The following ST3GAL6 variants were observed in gnomAD, a reference collection of about 807,000 sequenced individuals.
ST3GAL6 encodes type 2 lactosamine alpha-2,3-sialyltransferase.
Under a neutral mutation model 40.5 loss-of-function variants are expected in ST3GAL6, and 31 were observed. The ratio of observed to expected loss-of-function variants is 0.77; its 90% CI spans 0.58 to 1.03. ST3GAL6 has a LOEUF of 1.03. Among genes scored for constraint, ST3GAL6 ranks in the 50% least tolerant of loss-of-function variants. The probability of loss-of-function intolerance (pLI) is 0.00; values close to 1 mark genes in which losing one functional copy is unlikely to be tolerated. For synonymous variants in ST3GAL6, 129 were observed against 136.9 expected (o/e 0.94, Z 0.40); for missense variants, 357 against 393.2 (o/e 0.91, Z 0.78).
intron 9 of ST3GAL6, among the ~76,000 whole-genome samples, chr3:98,792,338 CTTAA>C (rs1015684755): frequency 6.6e-6 from 1 of 152,134 alleles, no homozygotes. Flanking sequence ...CATTGCTGTG[CTTAA>C]TTATTCTCAT....
chr3:98,732,585 GA>G (rs1277394637), intron 1 of ST3GAL6: 1 of 375,804 alleles, frequency 2.7e-6, no homozygotes, highest in Non-Finnish European at 4.8e-6. Flanking sequence ...CCCTCCGGGA[GA>G]CCCGCAGCCT....
chr3:98,768,420 T>C lies in ST3GAL6; in HGVS notation c.-11-10T>C. 1 of 1,609,320 alleles carries C rather than the reference T, an allele frequency of 6.2e-7. No individual in the cohort carries two copies. The highest frequency in any genetic ancestry group is 8.5e-7 in the Non-Finnish European group (1 of 1,175,674). ...GGCCTTTGCTTTGGACTTCATTCCT[T>C]GTGTTTCAGGTGAGCCAGCCATGAG... On this transcript the variant is annotated splice_polypyrimidine_tract_variant and intron_variant, in intron 1 of 9. Coordinates refer to ENST00000483910, the MANE Select transcript of ST3GAL6 (RefSeq NM_001323368.2).
At position 98,749,862 on chromosome 3, in the gene ST3GAL6, A is replaced by G. The variant is rs3772090; in HGVS notation, c.-12+17330A>G. Among the ~76,000 whole-genome samples, 142 of 152,360 alleles carry G rather than the reference A, an allele frequency of 9.3e-4. 3 individuals are homozygous for G. In the East Asian group the frequency reaches 0.026, roughly 28 times the overall value. On this transcript the variant is annotated intron_variant, in intron 1 of 9. Transcript: ENST00000265261. Reference sequence around the variant, plus strand: ...TTGAACTGATTGAAAGCCCAAATCTATTGGATCAGTTGAGGAGCAGAGCAA... The same window carrying G: ...TTGAACTGATTGAAAGCCCAAATCTGTTGGATCAGTTGAGGAGCAGAGCAA...
At chr3:98,754,004 AAAC>A (rs1357520475) in intron 1 of ST3GAL6, among the ~76,000 whole-genome samples, 1 of 152,326 alleles carries the variant, frequency 6.6e-6, no homozygotes, top group Admixed American at 6.5e-5. Context: ...ATGCCTGCTA[AAAC>A]AACGTCTATT....
rs35649214 is a variant in ST3GAL6, at chr3:98,741,051, A to AGTGTGTGT, written c.-12+8545_-12+8552dup. ...CCATGGGCATATAGTAGAGGGATTC[A>AGTGTGTGT]GTGTGTGTGTGTGTGTGTGTGTGTG... is the stretch of plus-strand genomic sequence containing the variant. On this transcript the variant is annotated intron_variant, in intron 1 of 9. Coordinates refer to the ST3GAL6 transcript ENST00000265261. 4.3e-3 allele frequency among the ~76,000 whole-genome samples: 628 copies of AGTGTGTGT among 145,216 alleles called. 8 individuals carry two copies. Among genetic ancestry groups the AGTGTGTGT allele is most frequent in the African/African-American group, 0.015 (570 of 37,742 alleles).
chr3:98,750,671 A>C (rs1176338226), intron 1 of ST3GAL6, among the ~76,000 whole-genome samples: 2 of 152,018 alleles, frequency 1.3e-5, no homozygotes, highest in African/African-American at 4.8e-5. Context: ...TGCTCAGGTG[A>C]TGCCAATGGC....
intron 8 of ST3GAL6, among the ~76,000 whole-genome samples, chr3:98,791,243 G>A (rs960161222): frequency 6.6e-6 from 1 of 152,132 alleles, no homozygotes; most frequent in African/African-American, 2.4e-5. Flanking sequence ...GTATAATGGT[G>A]CAGCTGAGAT....
intron 5 of ST3GAL6, among the ~76,000 whole-genome samples, chr3:98,780,611 A>G (rs1023739337): frequency 2.0e-5 from 3 of 152,182 alleles, no homozygotes; most frequent in Admixed American, 2.0e-4. Flanking sequence ...CTGGGACCAT[A>G]AGTAGGAGAG....
At chr3:98,751,865 ACTTT>A (rs1937031930) in intron 1 of ST3GAL6, among the ~76,000 whole-genome samples, 1 of 152,152 alleles carries the variant, frequency 6.6e-6, no homozygotes, top group Non-Finnish European at 1.5e-5. Flanking sequence ...ACTTTTAAAA[ACTTT>A]CTTTGGTAAA....
At chr3:98,766,168 T>C (rs1336632405) in intron 1 of ST3GAL6, among the ~76,000 whole-genome samples, 1 of 152,278 alleles carries the variant, frequency 6.6e-6, no homozygotes, top group East Asian at 1.9e-4. Flanking sequence ...CACATATTAG[T>C]GAATGAAAAA....
At chr3:98,787,257 T>C (rs534139010) in intron 6 of ST3GAL6, among the ~76,000 whole-genome samples, 11 of 152,184 alleles carry the variant, frequency 7.2e-5, no homozygotes, top group Non-Finnish European at 1.3e-4. Context: ...CAGGAAAATA[T>C]CATGGGTACA....
At chr3:98,733,233 C>G (rs1935203465) in intron 1 of ST3GAL6, 1 of 967,330 alleles carries the variant, frequency 1.0e-6, no homozygotes, top group Non-Finnish European at 1.2e-6. Context: ...AGCCAGCCGG[C>G]GTGCGCCGCA....
intron 5 of ST3GAL6, among the ~76,000 whole-genome samples, chr3:98,778,733 G>A (rs577717920): frequency 3.9e-5 from 6 of 152,286 alleles, no homozygotes; most frequent in African/African-American, 1.4e-4. Flanking sequence ...ACTACACCAA[G>A]GTCCTAAGAG....
upstream of ST3GAL6, among the ~76,000 whole-genome samples, chr3:98,760,171 C>A (rs1458132194): frequency 6.6e-6 from 1 of 152,174 alleles, no homozygotes; most frequent in Non-Finnish European, 1.5e-5. Flanking sequence ...CAGTTCCCCT[C>A]AAAAACTGTT....
At chr3:98,783,787 C>T in intron 5 of ST3GAL6, 1 of 557,284 alleles carries the variant, frequency 1.8e-6, no homozygotes, top group Non-Finnish European at 2.3e-6. Context: ...TTAGGCATGA[C>T]TCTTTAATAT....
chr3:98,758,123 G>A (rs968735564), intron 1 of ST3GAL6, among the ~76,000 whole-genome samples: 5 of 152,200 alleles, frequency 3.3e-5, no homozygotes, highest in Non-Finnish European at 4.4e-5. Context: ...ACAGGCTTGA[G>A]CCACCGTGCC....
chr3:98,732,701 G>A, intron 1 of ST3GAL6: 2 of 679,408 alleles, frequency 2.9e-6, no homozygotes, highest in Non-Finnish European at 4.5e-6. Context: ...GGCGCTCGGC[G>A]CAGTCGCCCG....
rs1353510768 is a variant in ST3GAL6, at chr3:98,763,456, G to T, written c.-12+17G>T. 1.6e-6 allele frequency: 2 copies of T among 1,289,464 alleles called. No homozygotes were observed. Among genetic ancestry groups the T allele is most frequent in the Admixed American group, 2.3e-5 (1 of 43,548 alleles). 79.9% of individuals were successfully genotyped at this position (1,289,464 alleles called of 1,614,324 possible). A position where few individuals can be genotyped will look rare whatever the true frequency, so the allele number is the denominator to read the frequency against. ...GGTATGGAGGTGAGCCATGAACAAG[G>T]TTACCTGCTTAAGGGGAAGGTTGTG... On this transcript the variant is annotated intron_variant, in intron 1 of 9. Transcript: ENST00000483910.
intron 4 of ST3GAL6, chr3:98,773,416 A>T (rs987575576): frequency 2.6e-5 from 4 of 152,896 alleles, no homozygotes; most frequent in African/African-American, 9.7e-5. Context: ...CTGCTTGTTG[A>T]TAAGTGATTG....
Sources: allele counts gnomAD v4.1 joint callset (sites outside exome capture counted in the v4.1 genomes callset), GRCh38; gene constraint gnomAD v4.1.1; transcripts MANE v1.5; gene names NCBI Gene and HGNC (gene_info 2026-07-23, HGNC 2026-07-21).